Variants in ITGB4 observed in about 807,000 individuals in gnomAD.
ITGB4 encodes the protein integrin subunit beta 4, also known as integrin beta-4.
In ITGB4, 159 loss-of-function variants were observed where a neutral mutation model predicts 207.6. The ratio of observed to expected loss-of-function variants is 0.77; its 90% confidence interval spans 0.67 to 0.87. ITGB4 has a LOEUF of 0.87. Among genes scored for constraint, ITGB4 ranks in the 40% least tolerant of loss-of-function variants. The pLI is 0.00. For synonymous variants in ITGB4, 1,020 were observed against 1,062.7 expected (o/e 0.96, Z 0.78); for missense variants, 2,278 against 2,546.8 (o/e 0.89, Z 2.27).
intron 25 of ITGB4, 127 bp from the exon 26 acceptor site, chr17:75,743,586 G>A (rs1042278894): frequency 1.7e-5 from 21 of 1,263,386 alleles, no homozygotes; most frequent in African/African-American, 4.4e-5. Context: ...CTTCCCAGAG[G>A]GCAATGCATA....
chr17:75,745,597 G>A (rs548101024), intron 26 of ITGB4, among the ~76,000 whole-genome samples: 1 of 152,112 alleles, frequency 6.6e-6, no homozygotes, highest in East Asian at 1.9e-4. Flanking sequence ...TAATAATAAA[G>A]GCCAGGCGAG....
rs995954842 is a variant in ITGB4 at position 75,742,838 on chromosome 17, C to T, written c.2962+77C>T. The T allele has an allele frequency of 7.1e-6, 10 of 1,402,554 alleles. No individual in the cohort carries two copies. Among genetic ancestry groups the T allele is most frequent in the South Asian group, 1.3e-5 (1 of 79,792 alleles). The allele number at this position is 1,402,554 out of a possible 1,614,324, so 86.9% of individuals were successfully genotyped here. On this transcript the variant is annotated intron_variant, in intron 25 of 39. Coordinates refer to ENST00000200181, the MANE Select transcript of ITGB4 (RefSeq NM_000213.5). This position sits in a 1 kb window ranked among gnomAD's most constrained non-coding sequence, Gnocchi z 5.9. ...GGTTCCTCCTGCTTAAGTGGAATTG[C>T]GACCTGGCCACGTGGCCTGGGCTAG...
rs141725299 is a variant in ITGB4, at chr17:75,730,501, C to T, written c.999C>T (p.Tyr333=). 2.1e-4 allele frequency: 334 copies of T among 1,613,550 alleles called. No individual in the cohort carries two copies. Among genetic ancestry groups the T allele is most frequent in the Non-Finnish European group, 2.7e-4 (318 of 1,180,026 alleles). ...TCACCAACTACTCCTATAGCTACTACGAGGTGCGGGGCCCAGGTCCCACGG... is the reference window on the plus strand; with the variant it reads ...TCACCAACTACTCCTATAGCTACTATGAGGTGCGGGGCCCAGGTCCCACGG... ...FAVTNYSYSY[Y]EKLHTYFPVS... The change falls in exon 8 of 40, where the codon TAC becomes TAT. Residue 333 remains tyrosine, a synonymous_variant. Coordinates refer to ENST00000200181, the MANE Select transcript of ITGB4 (RefSeq NM_000213.5).
chr17:75,721,542 G>A lies in ITGB4; in HGVS notation c.-81G>A, dbSNP rs1404480475. The A allele has an allele frequency of 1.3e-5, 2 of 151,826 alleles. No homozygotes were observed. Among genetic ancestry groups the A allele is most frequent in the Non-Finnish European group, 2.9e-5 (2 of 67,952 alleles). 9.4% of individuals were successfully genotyped at this position (151,826 alleles called of 1,614,324 possible). ...ATCTCCTAGCGGCAGCCCAGGCGCGGAGGGAGCGAGTCCGCCCCGAGGTAG... is the reference window on the plus strand; with the variant it reads ...ATCTCCTAGCGGCAGCCCAGGCGCGAAGGGAGCGAGTCCGCCCCGAGGTAG... On this transcript the variant is annotated 5_prime_UTR_variant, in exon 1 of 40. Transcript: ENST00000200181.
In ITGB4 at chr17:75,731,256, C is replaced by T; in HGVS notation, c.1103C>T (p.Ser368Phe). The change falls in exon 10 of 40, where the codon TCC (serine) becomes TTC (phenylalanine). Residue 368 changes from serine to phenylalanine, a missense_variant. Coordinates refer to ENST00000200181, the MANE Select transcript of ITGB4 (RefSeq NM_000213.5). The surrounding 1 kb of genome is among the most constrained non-coding windows in gnomAD (Gnocchi z 6.8). ...LLEEAFNRIR[S>F]NLDIRALDSP... The stretch of plus-strand genomic sequence containing the variant: ...TCCTTCCTCCTTTAGCGGATCCGCT[C>T]CAACCTGGACATCCGGGCCCTAGAC... 1 of 1,613,452 alleles carries T rather than the reference C, an allele frequency of 6.2e-7. No individual in the cohort carries two copies. The highest frequency in any genetic ancestry group is 1.1e-5 in the South Asian group (1 of 91,084).
chr17:75,753,013 C>CG (rs1423521853), intron 32 of ITGB4, among the ~76,000 whole-genome samples: 1 of 152,212 alleles, frequency 6.6e-6, no homozygotes, highest in Non-Finnish European at 1.5e-5. Context: ...CAAAGTGCTG[C>CG]GGAGCCCTTA....
At position 75,727,359 on chromosome 17, in the gene ITGB4, AG is replaced by A. The variant is rs1331059478; in HGVS notation, c.163-42del. ...AAATGAATCTAGGGTTGGGGCAGCCAGGGAATGGGTGCTGCCCCCAGTGACC... is the reference window on the plus strand; with the variant it reads ...AAATGAATCTAGGGTTGGGGCAGCCAGGAATGGGTGCTGCCCCCAGTGACC... On this transcript the variant is annotated intron_variant, in intron 3 of 39. Coordinates refer to ENST00000200181, the MANE Select transcript of ITGB4 (RefSeq NM_000213.5). The surrounding 1 kb of genome is among the most constrained non-coding windows in gnomAD (Gnocchi z 6.0). 1 of 1,610,892 alleles carries A rather than the reference AG, an allele frequency of 6.2e-7. No individual in the cohort carries two copies.
intron 13 of ITGB4, among the ~76,000 whole-genome samples, chr17:75,734,972 G>A (rs754818349): frequency 6.6e-6 from 1 of 152,204 alleles, no homozygotes; most frequent in Non-Finnish European, 1.5e-5. Context: ...TATTAACCTT[G>A]TATCTAGTCA....
At chr17:75,725,184 G>C (rs940644540) in intron 2 of ITGB4, among the ~76,000 whole-genome samples, 1 of 152,220 alleles carries the variant, frequency 6.6e-6, no homozygotes, top group Admixed American at 6.5e-5. Flanking sequence ...CCTACCACTT[G>C]AATTTTGTCT....
rs147068910 is a variant in ITGB4 at position 75,742,628 on chromosome 17, C to T, written c.2829C>T (p.Asp943=). 88 of 1,614,038 alleles carry T rather than the reference C, an allele frequency of 5.5e-5. 1 individual carries two copies. The South Asian group carries it at 5.8e-4, about 11-fold the overall frequency. The change falls in exon 25 of 40, where the codon GAC becomes GAT. Residue 943 remains aspartate (D), a synonymous_variant. Coordinates refer to ENST00000200181, the MANE Select transcript of ITGB4 (RefSeq NM_000213.5). The surrounding 1 kb of genome is among the most constrained non-coding windows in gnomAD (Gnocchi z 5.9). ...TCCAGGAGGGCGTGGAGCTGGTGGA[C>T]GTACGGGTGCCCCTCTTTATCCGGC... ...VEFQEGVELV[D]VRVPLFIRPE...
chr17:75,739,887 G>C lies in ITGB4; in HGVS notation c.2262G>C (p.Met754Ile), dbSNP rs774343099. The change falls in exon 20 of 40, where the codon ATG (methionine) becomes ATC (isoleucine). Residue 754 changes from methionine (M) to isoleucine (I), a missense_variant. Transcript: ENST00000200181. This position sits in a 1 kb window ranked among gnomAD's most constrained non-coding sequence, Gnocchi z 5.4. ...ALLPCCNRGH[M>I]VGFKEDHYML... ...GAGGACCCCATCCTGCAGGTCACATGGTGGGCTTTAAGGAAGACCACTACA... is the reference window on the plus strand; with the variant it reads ...GAGGACCCCATCCTGCAGGTCACATCGTGGGCTTTAAGGAAGACCACTACA... The C allele has an allele frequency of 8.1e-6, 13 of 1,613,484 alleles. 1 individual carries two copies. In the Admixed American group the frequency reaches 1.0e-4, roughly 12 times the overall value.
At chr17:75,755,190 C>G (rs148725082) in intron 34 of ITGB4, 83 of 1,605,326 alleles carry the variant, frequency 5.2e-5, no homozygotes, top group Non-Finnish European at 6.1e-5. Flanking sequence ...GCTGGGAGGC[C>G]AGCAGCGCCC....
At position 75,752,587 on chromosome 17, in the gene ITGB4, G is replaced by A. The variant is rs1283205035; in HGVS notation, c.4108+10G>A. ...GTCTCCGATGACACTGGTGAGTGGA[G>A]ACCTGGGACCCACAAGAGGACAGTG... On this transcript the variant is annotated intron_variant, in intron 32 of 39. Coordinates refer to ENST00000200181, the MANE Select transcript of ITGB4 (RefSeq NM_000213.5). 3 of 1,613,356 alleles carry A rather than the reference G, an allele frequency of 1.9e-6. No individual in the cohort carries two copies. In the South Asian group the frequency reaches 3.3e-5, roughly 18 times the overall value.
At position 75,752,124 on chromosome 17, in the gene ITGB4, G is replaced by T. The variant is rs1202103363; in HGVS notation, c.3794-50G>T. On this transcript the variant is annotated intron_variant, in intron 30 of 39. Coordinates refer to ENST00000200181, the MANE Select transcript of ITGB4 (RefSeq NM_000213.5). Reference sequence around the variant, plus strand: ...TCCTGCTGTGTCAGGGGTGGTGTTGGGACCAGGCTGGGACCTGGGTGACCC... The same window carrying T: ...TCCTGCTGTGTCAGGGGTGGTGTTGTGACCAGGCTGGGACCTGGGTGACCC... 1.9e-6 allele frequency: 3 copies of T among 1,588,616 alleles called. No homozygotes were observed. In the South Asian group the frequency reaches 3.3e-5, roughly 18 times the overall value.
At chr17:75,721,794 G>T (rs2060622358) in intron 1 of ITGB4, among the ~76,000 whole-genome samples, 182 bp downstream of exon 1, 1 of 152,248 alleles carries the variant, frequency 6.6e-6, no homozygotes, top group Non-Finnish European at 1.5e-5. Context: ...AAGGGGCAGG[G>T]CAGCTAGAGA....
rs750283016 is a variant in ITGB4, at chr17:75,737,371, C to T, written c.2040C>T (p.Cys680=). The change falls in exon 17 of 40, where the codon TGC becomes TGT. Residue 680 remains cysteine (C), a synonymous_variant. Transcript: ENST00000200181. The part of the protein sequence containing the change: ...RCSFRDEDDD[C]TYSYTMEGDG... Reference sequence around the variant, plus strand: ...CCTTCCGGGACGAGGATGACGACTGCACCTACAGCTACACCATGGAAGGTG... The same window carrying T: ...CCTTCCGGGACGAGGATGACGACTGTACCTACAGCTACACCATGGAAGGTG... The T allele has an allele frequency of 2.5e-6, 4 of 1,584,768 alleles. No homozygotes were observed. The African/African-American group carries it at 5.4e-5, about 21-fold the overall frequency.
In ITGB4 at chr17:75,754,834, C is replaced by G. The variant is rs1377130722; in HGVS notation, c.4558+19C>G. 1 of 1,614,058 alleles carries G rather than the reference C, an allele frequency of 6.2e-7. No homozygotes were observed. The highest frequency in any genetic ancestry group is 2.2e-5 in the East Asian group (1 of 44,880). On this transcript the variant is annotated intron_variant, in intron 34 of 39. Coordinates refer to ENST00000200181, the MANE Select transcript of ITGB4 (RefSeq NM_000213.5). ...TCCCACGGTGAGTGACCTCAGCCAA[C>G]CCTGCCTCTCCCACTAACCCTTCCT...
chr17:75,754,906 G>T, intron 34 of ITGB4, 91 bp downstream of exon 34: 1 of 1,581,342 alleles, frequency 6.3e-7, no homozygotes. Flanking sequence ...TGTCCCCACC[G>T]CCCATTCTCC....
chr17:75,731,955 T>C lies in ITGB4; in HGVS notation c.1359T>C (p.Asp453=). The C allele has an allele frequency of 6.2e-7, 1 of 1,614,014 alleles. No homozygotes were observed. The highest frequency in any genetic ancestry group is 8.5e-7 in the Non-Finnish European group (1 of 1,180,012). Reference sequence around the variant, plus strand: ...AGATGGACGCGGGCATCATCTGTGATGTGTGCACCTGCGAGCTGGTACAAC... The same window carrying C: ...AGATGGACGCGGGCATCATCTGTGACGTGTGCACCTGCGAGCTGGTACAAC... The part of the protein sequence containing the change: ...GLKMDAGIIC[D]VCTCELQKEV... Residue 453 remains aspartate (D), a synonymous_variant, in exon 11 of 40, where the codon GAT becomes GAC. Coordinates refer to ENST00000200181, the MANE Select transcript of ITGB4 (RefSeq NM_000213.5). This position sits in a 1 kb window ranked among gnomAD's most constrained non-coding sequence, Gnocchi z 6.8.
Sources: gnomAD v4.1 joint callset for allele counts (sites outside exome capture counted in the v4.1 genomes callset) on GRCh38, gnomAD v4.1.1 for gene constraint, Gnocchi (gnomAD v3.1) non-coding constraint, MANE v1.5 for transcripts, NCBI Gene and HGNC (gene_info 2026-07-23, HGNC 2026-07-21) for gene names.